NCKAP5L: variants seen among roughly 807,000 people sequenced by gnomAD.
NCKAP5L encodes NCK associated protein 5 like.
Under a neutral mutation model 103.2 loss-of-function variants are expected in NCKAP5L, and 54 were observed. That is an observed-to-expected ratio of 0.52 (90% CI 0.42 to 0.66). NCKAP5L has a LOEUF of 0.66. Ranked by LOEUF, NCKAP5L falls within the 30% of genes least tolerant of loss-of-function variation. The pLI is 0.00. For missense variants in NCKAP5L, 1,733 were observed against 1,750.6 expected (o/e 0.99, Z 0.18); for synonymous variants, 762 against 748.6 (o/e 1.02, Z -0.29).
chr12:49,809,555 C>G (rs969127509), intron 1 of NCKAP5L, among the ~76,000 whole-genome samples: 1 of 152,142 alleles, frequency 6.6e-6, no homozygotes, highest in African/African-American at 2.4e-5. Context: ...TAACACCAAC[C>G]GCTTCCCTCC....
chr12:49,795,225 G>A lies in NCKAP5L; in HGVS notation c.2635C>T (p.Pro879Ser). The A allele has an allele frequency of 1.3e-6, 2 of 1,565,514 alleles. No homozygotes were observed. Among genetic ancestry groups the A allele is most frequent in the Non-Finnish European group, 1.7e-6 (2 of 1,156,288 alleles). Reference protein sequence around the residue: ...DPSQGPEGLAPHSAIEEKVMK... With the variant: ...DPSQGPEGLASHSAIEEKVMK... ...ACCTTCTCCTCGATGGCTGAGTGTG[G>A]GGCCAGCCCCTCAGGGCCCTGACTT... The change falls in exon 8 of 13, where the codon CCA becomes TCA. Residue 879 changes from proline (P) to serine (S), a missense_variant. Transcript: ENST00000335999.
rs368925027 is a variant in NCKAP5L at position 49,795,242 on chromosome 12, C to T, written c.2618G>A (p.Gly873Asp). 3.4e-5 allele frequency: 52 copies of T among 1,551,882 alleles called. No individual in the cohort carries two copies. The African/African-American group carries it at 5.8e-4, about 17-fold the overall frequency. The stretch of plus-strand genomic sequence containing the variant: ...TGAGTGTGGGGCCAGCCCCTCAGGG[C>T]CCTGACTTGGGTCAGTGGGGCCAGG... ...LVPGPTDPSQ[G>D]PEGLAPHSAI... The change falls in exon 8 of 13, where the codon GGC becomes GAC. Residue 873 changes from glycine to aspartate, a missense_variant. Gly to Asp is a moderately conservative substitution (Grantham distance 94). Transcript: ENST00000335999.
At chr12:49,816,437 G>T (rs1268852787) in intron 1 of NCKAP5L, among the ~76,000 whole-genome samples, 1 of 148,944 alleles carries the variant, frequency 6.7e-6, no homozygotes, top group East Asian at 2.0e-4. Context: ...CCATACTGAG[G>T]GTGAGGAAGG....
At chr12:49,810,680 C>G (rs72644870) in intron 1 of NCKAP5L, among the ~76,000 whole-genome samples, 4,950 of 152,286 alleles carry the variant, frequency 0.033, 127 homozygotes, top group East Asian at 0.14. Context: ...GAGAAGCCAG[C>G]TTCCTTCTAT....
chr12:49,810,855 T>C (rs535252633), intron 1 of NCKAP5L, among the ~76,000 whole-genome samples: 21 of 152,364 alleles, frequency 1.4e-4, no homozygotes, highest in Non-Finnish European at 2.8e-4. Flanking sequence ...ATAACATTTA[T>C]AAACAAAAGC....
In NCKAP5L at chr12:49,792,926, T is replaced by A; in HGVS notation, c.3401A>T (p.His1134Leu). ...SGIGTFPPPD[H>L]GSSGTPSKNL... Reference sequence around the variant, plus strand: ...CTTGCTGGGGGTCCCACTGCTACCATGGTCTGGGGGTGGGAAGGTCCCAAT... The same window carrying A: ...CTTGCTGGGGGTCCCACTGCTACCAAGGTCTGGGGGTGGGAAGGTCCCAAT... Residue 1134 changes from histidine to leucine, a missense_variant, in exon 11 of 13, where the codon CAT becomes CTT. Transcript: ENST00000335999. The surrounding 1 kb of genome is among the most constrained non-coding windows in gnomAD (Gnocchi z 4.5). 1 of 1,549,486 alleles carries A rather than the reference T, an allele frequency of 6.5e-7. No individual in the cohort carries two copies. The highest frequency in any genetic ancestry group is 8.7e-7 in the Non-Finnish European group (1 of 1,155,788).
chr12:49,793,745 G>C lies in NCKAP5L; in HGVS notation c.3247C>G (p.Pro1083Ala), dbSNP rs267603496. 2 of 1,560,104 alleles carry C rather than the reference G, an allele frequency of 1.3e-6. No individual in the cohort carries two copies. Among genetic ancestry groups the C allele is most frequent in the African/African-American group, 2.7e-5 (2 of 72,836 alleles). Residue 1083 changes from proline (P) to alanine (A), a missense_variant, in exon 9 of 13, where the codon CCT (proline) becomes GCT (alanine). Transcript: ENST00000335999. ...CCCCAAGAACTTACCTTTCCAGGAG[G>C]TTTTCCGCAGCCCTGAAGAGGGCCC... ...LVGPLQGCGK[P>A]PGKPSSEPGR...
At chr12:49,799,312 AT>A (rs59501745) in intron 6 of NCKAP5L, among the ~76,000 whole-genome samples, 20,189 of 143,070 alleles carry the variant, frequency 0.14, 2,269 homozygotes, top group East Asian at 0.51. Flanking sequence ...ATGAGATGAG[AT>A]TTTTTTTTTT....
At position 49,795,645 on chromosome 12, in the gene NCKAP5L, G is replaced by C; in HGVS notation, c.2215C>G (p.Gln739Glu). ...GGATCCCCCATAAGTCCAGGTTCCT[G>C]CTGCTTCAGGCTGTTTGTGCCCAAG... Reference protein sequence around the residue: ...VALGTNSLKQQEPGLMGDPGA... With the variant: ...VALGTNSLKQEEPGLMGDPGA... The change falls in exon 8 of 13, where the codon CAG becomes GAG. Residue 739 changes from glutamine to glutamate, a missense_variant. By Grantham distance (29) the Gln-to-Glu change is conservative. Transcript: ENST00000335999. The C allele has an allele frequency of 6.2e-7, 1 of 1,611,204 alleles. No individual in the cohort carries two copies. Among genetic ancestry groups the C allele is most frequent in the Non-Finnish European group, 8.5e-7 (1 of 1,178,698 alleles).
intron 1 of NCKAP5L, among the ~76,000 whole-genome samples, chr12:49,825,458 C>A (rs567845202): frequency 6.6e-6 from 1 of 152,330 alleles, no homozygotes; most frequent in African/African-American, 2.4e-5. Flanking sequence ...AGGGACCCCA[C>A]TTCGGCTGTC....
rs2137002922 is a variant in NCKAP5L, at chr12:49,797,052, T to C, written c.808A>G (p.Thr270Ala). Reference protein sequence around the residue: ...LLGGLGGEEDTGRPWGPSRGP... With the variant: ...LLGGLGGEEDAGRPWGPSRGP... ...CTGCTAGGACCCCAGGGCCGCCCAGTGTCCTCTTCCCCTCCCAGACCCCCC... is the reference window on the plus strand; with the variant it reads ...CTGCTAGGACCCCAGGGCCGCCCAGCGTCCTCTTCCCCTCCCAGACCCCCC... Residue 270 changes from threonine (T) to alanine (A), a missense_variant, in exon 8 of 13, where the codon ACT becomes GCT. Transcript: ENST00000335999. This position sits in a 1 kb window ranked among gnomAD's most constrained non-coding sequence, Gnocchi z 4.5. 2.5e-6 allele frequency: 4 copies of C among 1,574,060 alleles called. No homozygotes were observed. The highest frequency in any genetic ancestry group is 3.4e-6 in the Non-Finnish European group (4 of 1,160,460).
At chr12:49,807,420 C>G (rs1055603530) in intron 1 of NCKAP5L, among the ~76,000 whole-genome samples, 1 of 152,210 alleles carries the variant, frequency 6.6e-6, no homozygotes, top group Non-Finnish European at 1.5e-5. Flanking sequence ...CTCACTGCAT[C>G]CTTGGCCTCC....
chr12:49,814,889 A>T (rs77921814), intron 1 of NCKAP5L, among the ~76,000 whole-genome samples: 1 of 152,136 alleles, frequency 6.6e-6, no homozygotes, highest in Admixed American at 6.5e-5. Context: ...CTTACCTTTC[A>T]TCATTGTAAC....
intron 1 of NCKAP5L, among the ~76,000 whole-genome samples, chr12:49,808,952 A>G (rs1259613771): frequency 6.6e-6 from 1 of 151,972 alleles, no homozygotes; most frequent in Non-Finnish European, 1.5e-5. Flanking sequence ...CAAAGGCCTG[A>G]TTCTGAGGGA....
chr12:49,803,407 G>A (rs988329223), intron 3 of NCKAP5L, among the ~76,000 whole-genome samples: 2 of 152,184 alleles, frequency 1.3e-5, no homozygotes, highest in African/African-American at 4.8e-5. Flanking sequence ...GGCAATGGGG[G>A]CTCTGGGGGA....
At chr12:49,826,268 G>C (rs1328804458) in intron 1 of NCKAP5L, among the ~76,000 whole-genome samples, 3 of 152,142 alleles carry the variant, frequency 2.0e-5, no homozygotes, top group Non-Finnish European at 2.9e-5. Context: ...CAACAGCTGA[G>C]ACGTAAACTG....
chr12:49,794,657 G>A, intron 8 of NCKAP5L, 108 bp downstream of exon 8: 1 of 888,734 alleles, frequency 1.1e-6, no homozygotes, highest in Non-Finnish European at 1.6e-6. Flanking sequence ...CCTCTGGGAA[G>A]CCCCAGCTCC....
rs1946070412 is a variant in NCKAP5L, at chr12:49,797,401, G to A, written c.466-7C>T. On this transcript the variant is annotated splice_polypyrimidine_tract_variant and splice_region_variant and intron_variant, in intron 7 of 12. Coordinates refer to ENST00000335999, the MANE Select transcript of NCKAP5L (RefSeq NM_001037806.4). The surrounding 1 kb of genome is among the most constrained non-coding windows in gnomAD (Gnocchi z 4.5). ...GCTGCTGCTCCCAACATACCTTAGG[G>A]GAGAGATGATGGCATGAGGAGGAGA... 1.3e-6 allele frequency: 2 copies of A among 1,589,622 alleles called. No homozygotes were observed. The highest frequency in any genetic ancestry group is 1.3e-5 in the African/African-American group (1 of 74,614).
In NCKAP5L at chr12:49,796,439, G is replaced by A. The variant is rs774089943; in HGVS notation, c.1421C>T (p.Pro474Leu). ...CCGGGGGAGCTGGGGACTGAGCTGC[G>A]GGCCTCCTGGGCTGGGGCTCTTCTC... ...TSEKSPSPGG[P>L]QLSPQLPRNS... The change falls in exon 8 of 13, where the codon CCG (proline) becomes CTG (leucine). Residue 474 changes from proline (P) to leucine (L), a missense_variant. Transcript: ENST00000335999. 1.4e-5 allele frequency: 22 copies of A among 1,540,514 alleles called. No homozygotes were observed. Among genetic ancestry groups the A allele is most frequent in the South Asian group, 2.5e-5 (2 of 79,264 alleles).
Sources: gnomAD v4.1 joint callset for allele counts (sites outside exome capture counted in the v4.1 genomes callset) on GRCh38, gnomAD v4.1.1 for gene constraint, Gnocchi (gnomAD v3.1) non-coding constraint, MANE v1.5 for transcripts, NCBI Gene and HGNC (gene_info 2026-07-23, HGNC 2026-07-21) for gene names.